The following NNT variants were observed in gnomAD, a reference collection of about 807,000 sequenced individuals.
NNT encodes the protein nicotinamide nucleotide transhydrogenase.
NNT carries 50 observed loss-of-function variants against 104.8 expected under a neutral mutation model. That is an observed-to-expected ratio of 0.48 (90% CI 0.38 to 0.60). The LOEUF is 0.60. Among genes scored for constraint, NNT ranks in the 20% least tolerant of loss-of-function variants. NNT has a pLI of 0.00. For missense variants in NNT, 1,131 were observed against 1,330.7 expected, an observed-to-expected ratio of 0.85 and a Z score of 2.33; for synonymous variants, 461 against 490.4, an observed-to-expected ratio of 0.94 and a Z score of 0.79.
intron 6 of NNT, among the ~76,000 whole-genome samples, 156 bp downstream of exon 6, chr5:43,624,276 CA>C (rs1384486065): frequency 6.6e-6 from 1 of 152,176 alleles, no homozygotes; most frequent in Non-Finnish European, 1.5e-5. Context: ...AAAGTTAATG[CA>C]AAGTGAAAAT....
At chr5:43,613,190 T>G in intron 3 of NNT, 53 bp downstream of exon 3, 2 of 1,381,480 alleles carry the variant, frequency 1.4e-6, no homozygotes, top group Admixed American at 2.1e-5. Context: ...TTTTGAAATC[T>G]TTTCATAGAA....
At chr5:43,620,129 C>A (rs1295697675) in intron 5 of NNT, among the ~76,000 whole-genome samples, 2 of 152,156 alleles carry the variant, frequency 1.3e-5, no homozygotes, top group East Asian at 3.9e-4. Context: ...TTCGTGGGAA[C>A]AAAGCACATC....
intron 10 of NNT, among the ~76,000 whole-genome samples, chr5:43,647,655 AC>A (rs1156831101): frequency 6.6e-6 from 1 of 152,210 alleles, no homozygotes; most frequent in African/African-American, 2.4e-5. Context: ...ATATAGTCTG[AC>A]ATACGTTACT....
chr5:43,690,792 G>A (rs1742230323), intron 19 of NNT, among the ~76,000 whole-genome samples: 1 of 151,508 alleles, frequency 6.6e-6, no homozygotes, highest in African/African-American at 2.4e-5. Context: ...GATTCATTTT[G>A]GATTGAACTG....
intron 7 of NNT, among the ~76,000 whole-genome samples, chr5:43,643,672 G>A (rs1021251722): frequency 4.6e-5 from 7 of 152,150 alleles, no homozygotes; most frequent in African/African-American, 1.7e-4. Context: ...AAAGTTTTCT[G>A]TGTTAAATTA....
chr5:43,659,634 C>A (rs771744920), intron 17 of NNT, among the ~76,000 whole-genome samples: 1 of 151,892 alleles, frequency 6.6e-6, no homozygotes, highest in African/African-American at 2.4e-5. Context: ...TAGGCTGAGG[C>A]AGAGAATTGC....
At position 43,618,828 on chromosome 5, in the gene NNT, G is replaced by C. The variant is rs546125875; in HGVS notation, c.600-204G>C. Among the ~76,000 whole-genome samples, 28 of 152,200 alleles carry C rather than the reference G, an allele frequency of 1.8e-4. 1 individual carries two copies. Among genetic ancestry groups the C allele is most frequent in the South Asian group, 2.1e-4 (1 of 4,822 alleles). ...CACCTATGGGATGAAGACAGTAATT[G>C]TACCTTTCCATAGGCTTGTTGTGCA... On this transcript the variant is annotated intron_variant, in intron 4 of 21. Transcript: ENST00000344920.
intron 7 of NNT, among the ~76,000 whole-genome samples, chr5:43,641,655 T>G (rs1419638747): frequency 6.6e-6 from 1 of 152,178 alleles, no homozygotes; most frequent in East Asian, 1.9e-4. Flanking sequence ...GTTATGTGCT[T>G]TTTACTTATA....
At chr5:43,602,772 T>C (rs1331420151), upstream of NNT, 1 of 152,264 alleles carries the variant, frequency 6.6e-6, no homozygotes, top group Non-Finnish European at 1.5e-5. Flanking sequence ...AGTGGAGTTA[T>C]ATTACCTGTT....
chr5:43,706,479 T>C lies in NNT; in HGVS notation c.*2075T>C, dbSNP rs62368580. 6.6e-6 allele frequency: 1 copy of C among 151,830 alleles called. No homozygotes were observed. Among genetic ancestry groups the C allele is most frequent in the African/African-American group, 2.4e-5 (1 of 41,388 alleles). 9.4% of individuals were successfully genotyped at this position (151,830 alleles called of 1,614,324 possible). ...TAGTCTGTCACCAAAAAAAAAAAAT[T>C]ATCTGTAGGTAGTGAAATGCTAATG... On this transcript the variant is annotated 3_prime_UTR_variant, in exon 22 of 22. Transcript: ENST00000344920.
chr5:43,671,173 G>T (rs1039178601), intron 17 of NNT, among the ~76,000 whole-genome samples: 1 of 152,050 alleles, frequency 6.6e-6, no homozygotes, highest in East Asian at 1.9e-4. Flanking sequence ...GAGCCTATGC[G>T]TGTCTCTGCA....
chr5:43,666,834 A>T (rs1740724908), intron 17 of NNT: 1 of 1,398,310 alleles, frequency 7.2e-7, no homozygotes, highest in Admixed American at 1.7e-5. Context: ...CTGGAGCTGC[A>T]GCCTGGGCCT....
intron 7 of NNT, among the ~76,000 whole-genome samples, chr5:43,643,810 C>T (rs1751360489): frequency 6.6e-6 from 1 of 152,174 alleles, no homozygotes; most frequent in Admixed American, 6.5e-5. Flanking sequence ...ACGAATTGTT[C>T]AATTTGGGTG....
At chr5:43,688,017 A>T (rs1015882134) in intron 19 of NNT, among the ~76,000 whole-genome samples, 1 of 152,220 alleles carries the variant, frequency 6.6e-6, no homozygotes, top group African/African-American at 2.4e-5. Context: ...CAACGTATAT[A>T]TTGGGTTATT....
At chr5:43,630,963 T>C (rs2111717247) in intron 7 of NNT, among the ~76,000 whole-genome samples, 1 of 152,292 alleles carries the variant, frequency 6.6e-6, no homozygotes, top group Non-Finnish European at 1.5e-5. Context: ...TCTCCTCCAG[T>C]AGCTTCCCCC....
intron 19 of NNT, among the ~76,000 whole-genome samples, chr5:43,684,072 C>T (rs899096775): frequency 2.6e-5 from 4 of 152,168 alleles, no homozygotes; most frequent in Non-Finnish European, 5.9e-5. Flanking sequence ...TTTGGGTGGC[C>T]TCAGTGTCAC....
At chr5:43,683,332 C>T (rs1741819190) in intron 19 of NNT, among the ~76,000 whole-genome samples, 1 of 152,308 alleles carries the variant, frequency 6.6e-6, no homozygotes, top group South Asian at 2.1e-4. Context: ...CCACCTTCAT[C>T]CCAGATTGGC....
intron 19 of NNT, among the ~76,000 whole-genome samples, chr5:43,696,108 T>C (rs757600172): frequency 2.0e-5 from 3 of 152,070 alleles, no homozygotes; most frequent in Non-Finnish European, 2.9e-5. Flanking sequence ...AACTCAAAAG[T>C]CCACAGTCCA....
intron 17 of NNT, among the ~76,000 whole-genome samples, chr5:43,668,838 G>A (rs1740869747): frequency 6.6e-6 from 1 of 152,148 alleles, no homozygotes; most frequent in Non-Finnish European, 1.5e-5. Context: ...TAACTTGATG[G>A]GGATGGCATT....
Sources: gnomAD v4.1 joint callset for allele counts (sites outside exome capture counted in the v4.1 genomes callset) on GRCh38, gnomAD v4.1.1 for gene constraint, MANE v1.5 for transcripts, NCBI Gene and HGNC (gene_info 2026-07-23, HGNC 2026-07-21) for gene names.